The following KHDRBS1 variants were observed in gnomAD, a reference collection of about 807,000 sequenced individuals.
KHDRBS1 encodes KH domain-containing, RNA-binding, signal transduction-associated protein 1.
Under a neutral mutation model 48.4 loss-of-function variants are expected in KHDRBS1, and 7 were observed. The ratio of observed to expected loss-of-function variants is 0.14; its 90% CI spans 0.08 to 0.27. The LOEUF (loss-of-function observed/expected upper bound fraction) is 0.27, where lower values mean the gene tolerates loss of function less well. Among genes scored for constraint, KHDRBS1 ranks in the 10% least tolerant of loss-of-function variants. KHDRBS1 has a pLI of 1.00. For missense variants in KHDRBS1, 458 were observed against 601.2 expected, an observed-to-expected ratio of 0.76 and a Z score of 2.49; for synonymous variants, 241 against 235.8, an observed-to-expected ratio of 1.02 and a Z score of -0.20.
At chr1:32,031,838 C>T (rs1639085646) in intron 3 of KHDRBS1, among the ~76,000 whole-genome samples, 198 bp downstream of exon 3, 1 of 152,076 alleles carries the variant, frequency 6.6e-6, no homozygotes, top group Non-Finnish European at 1.5e-5. Flanking sequence ...CTAGGTGTGC[C>T]CTGGTGATAG....
intron 1 of KHDRBS1, among the ~76,000 whole-genome samples, chr1:32,024,836 G>A (rs757435810): frequency 3.3e-5 from 5 of 152,004 alleles, no homozygotes; most frequent in African/African-American, 9.7e-5. Context: ...AAGGTGGCAC[G>A]CACCTTTAGT....
chr1:32,034,980 C>CAA (rs1191929332), intron 4 of KHDRBS1, among the ~76,000 whole-genome samples: 24 of 72,962 alleles, frequency 3.3e-4, no homozygotes, highest in Admixed American at 1.1e-3. Context: ...GGCTCTGTCT[C>CAA]AAAAAAAAAA....
Position 32,037,922 on chromosome 1 carries a change from A to T in KHDRBS1, c.993A>T (p.Arg331=), listed in dbSNP as rs1326093979. ...TCACCAGAGGTGCCACTGTGACTCG[A>T]GGCGTGCCACCCCCACCTACTGTGA... ...GAITRGATVT[R]GVPPPPTVRG... is the part of the protein sequence containing the mutation. The change falls in exon 6 of 9, where the codon CGA becomes CGT. Residue 331 remains arginine, a synonymous_variant. Coordinates refer to ENST00000327300, the MANE Select transcript of KHDRBS1 (RefSeq NM_006559.3). 1 of 1,614,100 alleles carries T rather than the reference A, an allele frequency of 6.2e-7. No homozygotes were observed.
intron 1 of KHDRBS1, among the ~76,000 whole-genome samples, chr1:32,017,892 C>T (rs977814582): frequency 6.6e-6 from 1 of 151,872 alleles, no homozygotes; most frequent in Non-Finnish European, 1.5e-5. Context: ...CAGGCATGAG[C>T]CACTGCGCCC....
chr1:32,050,979 C>T (rs1557900830), intron 10 of KHDRBS1, among the ~76,000 whole-genome samples: 1 of 152,136 alleles, frequency 6.6e-6, no homozygotes, highest in Admixed American at 6.6e-5. Flanking sequence ...CAACCTCTGC[C>T]TCCCAGGTTC....
Position 32,014,127 on chromosome 1 carries a change from C to A in KHDRBS1, c.132C>A (p.Ser44=). 7.3e-7 allele frequency: 1 copy of A among 1,371,534 alleles called. No individual in the cohort carries two copies. Among genetic ancestry groups the A allele is most frequent in the Non-Finnish European group, 9.4e-7 (1 of 1,063,736 alleles). The allele number at this position is 1,371,534 out of a possible 1,614,324, so 85.0% of individuals were successfully genotyped here. ...GGCAGCCGCCGCTGCCTCACCGGTC[C>A]CGGGGAGGCGGAGGGGGATCCCGCG... is the stretch of plus-strand genomic sequence containing the variant. ...PSRQPPLPHR[S]RGGGGGSRGG... The change falls in exon 1 of 9, where the codon TCC becomes TCA. Residue 44 remains serine, a synonymous_variant. Transcript: ENST00000327300.
chr1:32,025,427 A>C (rs967170151), intron 1 of KHDRBS1, among the ~76,000 whole-genome samples: 5 of 149,940 alleles, frequency 3.3e-5, no homozygotes, highest in African/African-American at 1.2e-4. Flanking sequence ...CAGCCTCCCA[A>C]ACAGTTGGGA....
chr1:32,030,241 G>T, intron 1 of KHDRBS1, 57 bp from the exon 2 acceptor site: 1 of 1,475,110 alleles, frequency 6.8e-7, no homozygotes, highest in South Asian at 1.2e-5. Context: ...GCTTTAAGCA[G>T]ACTTCAAAAT....
Position 32,043,186 on chromosome 1 carries a change from A to ACC in KHDRBS1, c.*562_*563insCC. 6.5e-6 allele frequency: 1 copy of ACC among 152,734 alleles called. No homozygotes were observed. The highest frequency in any genetic ancestry group is 2.1e-4 in the South Asian group (1 of 4,830). 9.5% of individuals were successfully genotyped at this position (152,734 alleles called of 1,614,324 possible). A position where few individuals can be genotyped will look rare whatever the true frequency, so the allele number is the denominator to read the frequency against. On this transcript the variant is annotated 3_prime_UTR_variant, in exon 9 of 9. Coordinates refer to ENST00000327300, the MANE Select transcript of KHDRBS1 (RefSeq NM_006559.3). ...GACGTCTCTAAAAAATGTTTCCTTT[A>ACC]TAAAAGCACATGGCGGTTGAATCTT...
At chr1:32,054,812 A>G (rs1236136146) in intron 10 of KHDRBS1, among the ~76,000 whole-genome samples, 1 of 152,076 alleles carries the variant, frequency 6.6e-6, no homozygotes, top group Non-Finnish European at 1.5e-5. Context: ...TCGTTAGTGT[A>G]TTTTATGTGT....
chr1:32,021,963 T>TTTC (rs1233466916), intron 1 of KHDRBS1, among the ~76,000 whole-genome samples: 1 of 150,466 alleles, frequency 6.6e-6, no homozygotes, highest in East Asian at 2.0e-4. Context: ...ACATTTCTTT[T>TTTC]TTTTTTTTTT....
In KHDRBS1 at chr1:32,013,912, G is replaced by T. The variant is rs1340885571; in HGVS notation, c.-84G>T. 7.8e-7 allele frequency: 1 copy of T among 1,275,966 alleles called. No homozygotes were observed. Among genetic ancestry groups the T allele is most frequent in the Non-Finnish European group, 1.0e-6 (1 of 996,288 alleles). The allele number at this position is 1,275,966 out of a possible 1,614,324, so 79.0% of individuals were successfully genotyped here. ...GTCGGCTTCGGTCGCTACCGCTCCCGCTCTGCCACCCCCGCCAACCGCCGC... is the reference window on the plus strand; with the variant it reads ...GTCGGCTTCGGTCGCTACCGCTCCCTCTCTGCCACCCCCGCCAACCGCCGC... On this transcript the variant is annotated 5_prime_UTR_variant, in exon 1 of 9. Coordinates refer to ENST00000327300, the MANE Select transcript of KHDRBS1 (RefSeq NM_006559.3).
At chr1:32,057,865 C>T (rs1639498031) in intron 10 of KHDRBS1, among the ~76,000 whole-genome samples, 1 of 151,532 alleles carries the variant, frequency 6.6e-6, no homozygotes. Flanking sequence ...ACCTGTAATC[C>T]CAGCACTTTG....
downstream of KHDRBS1, among the ~76,000 whole-genome samples, chr1:32,046,522 G>T (rs1639359998): frequency 6.6e-6 from 1 of 152,174 alleles, no homozygotes; most frequent in African/African-American, 2.4e-5. Context: ...GCTGGGAAAG[G>T]ATATTTCTTA....
Position 32,014,322 on chromosome 1 carries a change from C to G in KHDRBS1, c.327C>G (p.Ala109=), listed in dbSNP as rs147960609. ...PENKYLPELM[A]EKDSLDPSFT... ...ACAAGTACCTGCCCGAACTCATGGC[C>G]GAGAAGGACTCGCTCGACCCGTCCT... The change falls in exon 1 of 9, where the codon GCC becomes GCG. Residue 109 remains alanine, a synonymous_variant. Coordinates refer to ENST00000327300, the MANE Select transcript of KHDRBS1 (RefSeq NM_006559.3). 8.8e-5 allele frequency: 137 copies of G among 1,554,934 alleles called. No individual in the cohort carries two copies. In the African/African-American group the frequency reaches 1.6e-3, roughly 18 times the overall value.
intron 10 of KHDRBS1, chr1:32,052,551 C>G (rs948560054): frequency 6.6e-6 from 1 of 152,018 alleles, no homozygotes; most frequent in Non-Finnish European, 1.5e-5. Context: ...GCGCCCGCCA[C>G]CACACCCAAC....
chr1:32,036,644 G>GT (rs1335805077), intron 4 of KHDRBS1, among the ~76,000 whole-genome samples: 1 of 152,112 alleles, frequency 6.6e-6, no homozygotes, highest in Non-Finnish European at 1.5e-5. Context: ...AGTCTGGCTT[G>GT]TGAGTAGGTT....
In KHDRBS1 at chr1:32,036,163, A is replaced by ATTTTTT. The variant is rs397742842; in HGVS notation, c.772-726_772-721dup. Among the ~76,000 whole-genome samples, 6 of 60,470 alleles carry ATTTTTT rather than the reference A, an allele frequency of 9.9e-5. 1 individual carries two copies. The highest frequency in any genetic ancestry group is 4.4e-4 in the African/African-American group (6 of 13,632). The allele number at this position is 60,470 out of a possible 152,430, so 39.7% of individuals were successfully genotyped here. ...TACTTATTTCAGGGTCATTTTGAAG[A>ATTTTTT]TTTTTTTTTTTTTTTTTTTTTTTTT... On this transcript the variant is annotated intron_variant, in intron 4 of 8. Transcript: ENST00000327300.
At chr1:32,046,651 C>A (rs924226450), downstream of KHDRBS1, among the ~76,000 whole-genome samples, 1 of 152,188 alleles carries the variant, frequency 6.6e-6, no homozygotes, top group African/African-American at 2.4e-5. Flanking sequence ...TAATTGAAGC[C>A]ATTAAGCAAC....
Sources: allele counts gnomAD v4.1 joint callset (sites outside exome capture counted in the v4.1 genomes callset), GRCh38; gene constraint gnomAD v4.1.1; transcripts MANE v1.5; gene names NCBI Gene and HGNC (gene_info 2026-07-23, HGNC 2026-07-21).